The following THSD7A variants were observed in gnomAD, a reference collection of about 807,000 sequenced individuals.
THSD7A encodes thrombospondin type 1 domain containing 7A, also known as thrombospondin type-1 domain-containing protein 7A.
THSD7A carries 96 observed loss-of-function variants against 231.3 expected under a neutral mutation model. The ratio of observed to expected loss-of-function variants is 0.41; its 90% CI spans 0.35 to 0.49. The LOEUF (loss-of-function observed/expected upper bound fraction) is 0.49, where lower values mean the gene tolerates loss of function less well. Among genes scored for constraint, THSD7A ranks in the 20% least tolerant of loss-of-function variants. THSD7A has a pLI of 0.05. For missense variants in THSD7A, 2,290 were observed against 2,070.2 expected, an observed-to-expected ratio of 1.11 and a Z score of -2.06; for synonymous variants, 940 against 743.3, an observed-to-expected ratio of 1.26 and a Z score of -4.30.
In THSD7A at chr7:11,739,016, C is replaced by T. The variant is rs564368476; in HGVS notation, c.190+92741G>A. On this transcript the variant is annotated intron_variant, in intron 1 of 27. Transcript: ENST00000423059. ...GCATCATAGTGACGTTTAGAGGAAT[C>T]ATAAATGTGAAGCATGTAGATCAGT... 7.2e-5 allele frequency among the ~76,000 whole-genome samples: 11 copies of T among 152,114 alleles called. No individual in the cohort carries two copies. In the South Asian group the frequency reaches 1.7e-3, roughly 23 times the overall value.
intron 4 of THSD7A, among the ~76,000 whole-genome samples, chr7:11,584,702 T>C (rs796147108): frequency 3.9e-4 from 59 of 152,270 alleles, no homozygotes; most frequent in African/African-American, 1.4e-3. Context: ...TTAAAGTATA[T>C]ACTATATTTA....
chr7:11,764,353 G>A (rs1158420437), intron 1 of THSD7A, among the ~76,000 whole-genome samples: 11 of 152,140 alleles, frequency 7.2e-5, no homozygotes, highest in African/African-American at 1.2e-4. Flanking sequence ...AGGCCGAGGC[G>A]GGTGGATCAC....
chr7:11,651,387 G>A (rs991141865), intron 1 of THSD7A, among the ~76,000 whole-genome samples: 1 of 151,924 alleles, frequency 6.6e-6, no homozygotes, highest in Non-Finnish European at 1.5e-5. Flanking sequence ...CAATGTGAAT[G>A]CATTTAGTGC....
chr7:11,777,123 CA>C (rs1562547788), intron 1 of THSD7A, among the ~76,000 whole-genome samples: 1 of 152,032 alleles, frequency 6.6e-6, no homozygotes. Flanking sequence ...GCGAAAAATG[CA>C]AAAAGTATAT....
intron 2 of THSD7A, among the ~76,000 whole-genome samples, chr7:11,611,787 AACACACACACACAC>A (rs56683135): frequency 0.21 from 29,665 of 138,640 alleles, 3,472 homozygotes; most frequent in Non-Finnish European, 0.3. Flanking sequence ...AGTACCATAA[AACACACACACACAC>A]ACACACACAC....
intron 6 of THSD7A, among the ~76,000 whole-genome samples, chr7:11,509,672 A>ATTAGCC (rs1787709720): frequency 6.6e-6 from 1 of 150,900 alleles, no homozygotes; most frequent in Admixed American, 6.6e-5. Flanking sequence ...TACAAAAAAA[A>ATTAGCC]TTAGCCGGGC....
chr7:11,820,139 T>A (rs537229452), intron 1 of THSD7A, among the ~76,000 whole-genome samples: 8 of 152,214 alleles, frequency 5.3e-5, no homozygotes, highest in African/African-American at 1.9e-4. Context: ...GCCAGCCTCC[T>A]CTGTCCAGTG....
intron 1 of THSD7A, among the ~76,000 whole-genome samples, chr7:11,652,973 G>A (rs1394906865): frequency 6.6e-6 from 1 of 151,862 alleles, no homozygotes; most frequent in African/African-American, 2.4e-5. Context: ...TCCAAAAAAA[G>A]CGAATTGAGG....
chr7:11,472,049 A>C (rs1562636830), intron 8 of THSD7A, among the ~76,000 whole-genome samples: 1 of 152,162 alleles, frequency 6.6e-6, no homozygotes. Flanking sequence ...ACAGCAAGAT[A>C]CTTGGCTGAC....
rs780620982 is a variant in THSD7A, at chr7:11,394,630, G to T, written c.4411+7165C>A. 4.1e-4 allele frequency among the ~76,000 whole-genome samples: 62 copies of T among 152,308 alleles called. No individual in the cohort carries two copies. In the Middle Eastern group the frequency reaches 0.014, roughly 33 times the overall value. ...ATCTTTGATCACCCGCACACGTGATGTTCCTTGAAAGGGGAACAATAAATG... is the reference window on the plus strand; with the variant it reads ...ATCTTTGATCACCCGCACACGTGATTTTCCTTGAAAGGGGAACAATAAATG... On this transcript the variant is annotated intron_variant, in intron 23 of 27. Transcript: ENST00000423059.
intron 18 of THSD7A, 84 bp downstream of exon 18, chr7:11,412,572 A>G: frequency 6.7e-7 from 1 of 1,501,304 alleles, no homozygotes; most frequent in Admixed American, 1.8e-5. Flanking sequence ...ACAGGTAGAG[A>G]TGAACTATAC....
In THSD7A at chr7:11,415,547, G is replaced by C. The variant is rs545987113; in HGVS notation, c.3537+1903C>G. Among the ~76,000 whole-genome samples, 5 of 152,200 alleles carry C rather than the reference G, an allele frequency of 3.3e-5. No homozygotes were observed. The East Asian group carries it at 7.7e-4, about 24-fold the overall frequency. Reference sequence around the variant, plus strand: ...GATCAGTCATTCTTCCACCTACCGAGAGATGCCTGCATAATTGATTTTTCC... The same window carrying C: ...GATCAGTCATTCTTCCACCTACCGACAGATGCCTGCATAATTGATTTTTCC... On this transcript the variant is annotated intron_variant, in intron 17 of 27. Coordinates refer to ENST00000423059, the MANE Select transcript of THSD7A (RefSeq NM_015204.3).
chr7:11,786,198 C>T (rs1783786495), intron 1 of THSD7A, among the ~76,000 whole-genome samples: 1 of 151,278 alleles, frequency 6.6e-6, no homozygotes, highest in Non-Finnish European at 1.5e-5. Flanking sequence ...GACACTGGAC[C>T]TACTATACGA....
intron 6 of THSD7A, 88 bp downstream of exon 6, chr7:11,541,304 ACGTTTGTAAACAGAATCAGTTATAATG>A: frequency 1.0e-6 from 1 of 985,934 alleles, no homozygotes; most frequent in Non-Finnish European, 1.5e-6. Flanking sequence ...AGCTATTTCT[ACGTTTGTAAACAGAATCAGTTATAATG>A]CGAGAAGACA....
At chr7:11,720,074 G>T (rs17165078) in intron 1 of THSD7A, among the ~76,000 whole-genome samples, 52,973 of 151,480 alleles carry the variant, frequency 0.35, 9,596 homozygotes, top group South Asian at 0.51. Context: ...GCTTAGTGCT[G>T]TTTAAGAACA....
intron 6 of THSD7A, among the ~76,000 whole-genome samples, chr7:11,483,508 G>C (rs1786515420): frequency 6.6e-6 from 1 of 151,982 alleles, no homozygotes; most frequent in Non-Finnish European, 1.5e-5. Flanking sequence ...GTTTTTATTG[G>C]TGTTGGGTTT....
chr7:11,375,402 T>A lies in THSD7A; in HGVS notation c.*392A>T. The A allele has an allele frequency of 6.6e-6, 1 of 151,368 alleles. No homozygotes were observed. 9.4% of individuals were successfully genotyped at this position (151,368 alleles called of 1,614,324 possible). On this transcript the variant is annotated 3_prime_UTR_variant, in exon 28 of 28. Coordinates refer to ENST00000423059, the MANE Select transcript of THSD7A (RefSeq NM_015204.3). The stretch of plus-strand genomic sequence containing the variant: ...TTTGACCATAGTATTGTGGAGATCT[T>A]GGTAGAAACTCTTCATGCTAGGAAG...
intron 1 of THSD7A, among the ~76,000 whole-genome samples, chr7:11,671,782 C>G (rs984631472): frequency 2.0e-5 from 3 of 152,132 alleles, no homozygotes; most frequent in African/African-American, 7.2e-5. Flanking sequence ...CAAATGGAAA[C>G]ATGTAATCCA....
At chr7:11,591,759 G>A (rs551637630) in intron 3 of THSD7A, among the ~76,000 whole-genome samples, 3 of 152,234 alleles carry the variant, frequency 2.0e-5, no homozygotes, top group South Asian at 2.1e-4. Flanking sequence ...ATAGAAACAC[G>A]AATAATTGAT....
Sources: allele counts gnomAD v4.1 joint callset (sites outside exome capture counted in the v4.1 genomes callset), GRCh38; gene constraint gnomAD v4.1.1; transcripts MANE v1.5; gene names NCBI Gene and HGNC (gene_info 2026-07-23, HGNC 2026-07-21).